ABCC1: variants seen among roughly 807,000 people sequenced by gnomAD.
ABCC1 encodes ATP binding cassette subfamily C member 1 (ABCC1 blood group).
Under a neutral mutation model 172.9 loss-of-function variants are expected in ABCC1, and 83 were observed. That is an observed-to-expected ratio of 0.48 (90% CI 0.40 to 0.58). The LOEUF (loss-of-function observed/expected upper bound fraction) is 0.58, where lower values mean the gene tolerates loss of function less well. ABCC1 is among the 20% of genes least tolerant of loss of function. The pLI, the probability that ABCC1 is intolerant of heterozygous loss-of-function variation, is 0.00. For synonymous variants in ABCC1, 937 were observed against 825.2 expected, an observed-to-expected ratio of 1.14 and a Z score of -2.32; for missense variants, 1,817 against 2,002.7, an observed-to-expected ratio of 0.91 and a Z score of 1.77.
At chr16:15,977,770 C>A (rs2046527468) in intron 1 of ABCC1, among the ~76,000 whole-genome samples, 1 of 152,148 alleles carries the variant, frequency 6.6e-6, no homozygotes, top group African/African-American at 2.4e-5. Flanking sequence ...ATTTTACTTA[C>A]TTCAAGAAGC....
chr16:16,022,952 C>T (rs894944289), intron 5 of ABCC1, among the ~76,000 whole-genome samples: 1 of 152,184 alleles, frequency 6.6e-6, no homozygotes, highest in East Asian at 1.9e-4. Flanking sequence ...CACTCTGTCT[C>T]GCAGACTAGA....
intron 27 of ABCC1, 135 bp from the exon 28 acceptor site, chr16:16,134,215 G>A (rs1460789868): frequency 1.0e-5 from 11 of 1,077,906 alleles, no homozygotes; most frequent in African/African-American, 6.2e-5. Context: ...TGGGCAGCGC[G>A]CAAGGGAGAG....
intron 10 of ABCC1, among the ~76,000 whole-genome samples, chr16:16,048,998 A>AG (rs985256723): frequency 6.6e-6 from 1 of 151,604 alleles, no homozygotes; most frequent in African/African-American, 2.4e-5. Flanking sequence ...AAAAAAAAAA[A>AG]GTAGCCTAAG....
intron 3 of ABCC1, among the ~76,000 whole-genome samples, chr16:16,011,169 G>A (rs181289902): frequency 6.6e-4 from 100 of 152,218 alleles, no homozygotes; most frequent in Admixed American, 1.0e-3. Context: ...GGAAGTGGAG[G>A]CTGCAGTAAG....
At chr16:16,087,206 T>C (rs2051044540) in intron 18 of ABCC1, among the ~76,000 whole-genome samples, 1 of 152,158 alleles carries the variant, frequency 6.6e-6, no homozygotes, top group Admixed American at 6.5e-5. Flanking sequence ...CAGAGTTAAA[T>C]TCATTGCCTC....
At chr16:15,984,328 G>GT (rs1567286547) in intron 1 of ABCC1, among the ~76,000 whole-genome samples, 1 of 152,090 alleles carries the variant, frequency 6.6e-6, no homozygotes, top group African/African-American at 2.4e-5. Flanking sequence ...AAGCAGACAA[G>GT]TAAGAATTAC....
intron 1 of ABCC1, among the ~76,000 whole-genome samples, chr16:16,001,491 C>T (rs1198464881): frequency 2.0e-5 from 3 of 152,100 alleles, no homozygotes; most frequent in Admixed American, 6.6e-5. Flanking sequence ...TGAGCCACCG[C>T]GCCCAGCCAG....
At chr16:16,089,745 C>T (rs2051162910) in intron 18 of ABCC1, among the ~76,000 whole-genome samples, 2 of 150,920 alleles carry the variant, frequency 1.3e-5, no homozygotes, top group Non-Finnish European at 1.5e-5. Context: ...GGTGTGGTGG[C>T]GGGCGCATGT....
intron 19 of ABCC1, among the ~76,000 whole-genome samples, chr16:16,091,474 G>A (rs1027238646): frequency 2.0e-5 from 3 of 151,920 alleles, no homozygotes; most frequent in African/African-American, 4.8e-5. Context: ...ACAATGCCAT[G>A]GGCTGAGGAG....
chr16:16,026,464 C>T (rs371125207), intron 5 of ABCC1, among the ~76,000 whole-genome samples: 12 of 102,288 alleles, frequency 1.2e-4, no homozygotes, highest in Non-Finnish European at 2.1e-4. Flanking sequence ...AAGGCTATTT[C>T]CTTTTTTTTT....
chr16:16,104,214 G>A (rs889389809), intron 20 of ABCC1, among the ~76,000 whole-genome samples: 4 of 152,170 alleles, frequency 2.6e-5, no homozygotes, highest in Non-Finnish European at 5.9e-5. Flanking sequence ...CAGTTTGGAA[G>A]GGTACCCCAG....
intron 12 of ABCC1, among the ~76,000 whole-genome samples, chr16:16,063,708 A>G (rs990950006): frequency 6.6e-6 from 1 of 152,182 alleles, no homozygotes; most frequent in Non-Finnish European, 1.5e-5. Flanking sequence ...GGGAATAACA[A>G]CGTCTCTGAC....
intron 4 of ABCC1, among the ~76,000 whole-genome samples, chr16:16,015,651 C>T (rs2047967695): frequency 2.0e-5 from 3 of 152,228 alleles, no homozygotes; most frequent in African/African-American, 4.8e-5. Context: ...TTCCTGACCT[C>T]TTGCAGTGAC....
intron 21 of ABCC1, among the ~76,000 whole-genome samples, chr16:16,110,435 G>A (rs994162853): frequency 2.0e-5 from 3 of 152,046 alleles, no homozygotes; most frequent in South Asian, 2.1e-4. Flanking sequence ...TGTCACCCAC[G>A]CTGGAGTGCA....
intron 21 of ABCC1, among the ~76,000 whole-genome samples, chr16:16,108,273 CTTTTTT>C (rs79826916): frequency 1.5e-4 from 16 of 106,316 alleles, no homozygotes; most frequent in Non-Finnish European, 2.9e-4. Context: ...TTCTTTGTGT[CTTTTTT>C]TTTTTTTTTT....
chr16:16,043,007 A>G (rs2049036763), intron 7 of ABCC1, among the ~76,000 whole-genome samples: 2 of 151,742 alleles, frequency 1.3e-5, no homozygotes, highest in South Asian at 4.2e-4. Context: ...GATTACAGGC[A>G]ACCGCCACCA....
intron 3 of ABCC1, among the ~76,000 whole-genome samples, chr16:16,011,391 G>A (rs1597113790): frequency 6.6e-6 from 1 of 152,134 alleles, no homozygotes; most frequent in Non-Finnish European, 1.5e-5. Context: ...AGGTTGGGGG[G>A]ATAGAGTGGA....
At chr16:15,982,797 C>T (rs183386142) in intron 1 of ABCC1, among the ~76,000 whole-genome samples, 1,009 of 17,176 alleles carry the variant, frequency 0.059, 7 homozygotes, top group South Asian at 0.11. Flanking sequence ...CAGAGTGAGA[C>T]GCTGTCAAAA....
chr16:16,112,440 C>G (rs543715520), intron 22 of ABCC1, among the ~76,000 whole-genome samples: 1 of 151,802 alleles, frequency 6.6e-6, no homozygotes, highest in East Asian at 1.9e-4. Flanking sequence ...AATGCAGCAG[C>G]GTTGATATTA....
Sources: gnomAD v4.1 joint callset for allele counts (sites outside exome capture counted in the v4.1 genomes callset) on GRCh38, gnomAD v4.1.1 for gene constraint, MANE v1.5 for transcripts, NCBI Gene and HGNC (gene_info 2026-07-23, HGNC 2026-07-21) for gene names.